CRAMP1: variants seen among roughly 807,000 people sequenced by gnomAD.
The protein encoded by CRAMP1 is protein cramped-like.
A neutral mutation model predicts 115.4 loss-of-function variants in CRAMP1; 50 were observed. The observed-to-expected ratio is 0.43, with a 90% CI of 0.35 to 0.55. The LOEUF (loss-of-function observed/expected upper bound fraction) is 0.55, where lower values mean the gene tolerates loss of function less well. CRAMP1 is among the 20% of genes least tolerant of loss of function. The pLI is 0.01. For synonymous variants in CRAMP1, 866 were observed against 745.4 expected (o/e 1.16, Z -2.64); for missense variants, 1,679 against 1,721.7 (o/e 0.98, Z 0.44).
At chr16:1,670,833 G>C in intron 20 of CRAMP1, 24 bp downstream of exon 20, 1 of 1,610,884 alleles carries the variant, frequency 6.2e-7, no homozygotes, top group Non-Finnish European at 8.5e-7. Context: ...CCTCACAGCT[G>C]CACCTGACCA....
At chr16:1,668,233 G>C in intron 18 of CRAMP1, 40 bp downstream of exon 18, 1 of 1,401,698 alleles carries the variant, frequency 7.1e-7, no homozygotes, top group South Asian at 1.2e-5. Context: ...CTGTCATCAG[G>C]TGTTGATCTC....
At chr16:1,625,246 G>A (rs924348701) in intron 2 of CRAMP1, among the ~76,000 whole-genome samples, 4 of 152,172 alleles carry the variant, frequency 2.6e-5, no homozygotes, top group Non-Finnish European at 4.4e-5. Flanking sequence ...CTCTGCCTCC[G>A]GTCTCGGAGG....
At chr16:1,623,299 G>C (rs7194739) in intron 2 of CRAMP1, among the ~76,000 whole-genome samples, 3 of 152,248 alleles carry the variant, frequency 2.0e-5, no homozygotes, top group African/African-American at 7.2e-5. Flanking sequence ...AGCCTCATCA[G>C]AGCTGCCTTT....
intron 10 of CRAMP1, among the ~76,000 whole-genome samples, chr16:1,658,115 G>A (rs1333175862): frequency 6.6e-6 from 1 of 152,210 alleles, no homozygotes; most frequent in Non-Finnish European, 1.5e-5. Flanking sequence ...AGCCGGTGCA[G>A]GGCTTGCCCC....
chr16:1,619,897 C>T (rs918816809), intron 2 of CRAMP1, among the ~76,000 whole-genome samples: 2 of 152,176 alleles, frequency 1.3e-5, no homozygotes, highest in Admixed American at 1.3e-4. Context: ...CTCTTGCAGG[C>T]ACGCCTGGAG....
At chr16:1,649,111 C>T (rs1378255598) in intron 6 of CRAMP1, among the ~76,000 whole-genome samples, 1 of 151,904 alleles carries the variant, frequency 6.6e-6, no homozygotes, top group South Asian at 2.1e-4. Flanking sequence ...TCTGGGGACT[C>T]ATCCTCTCTA....
intron 6 of CRAMP1, chr16:1,645,381 T>G (rs768347033): frequency 3.0e-5 from 7 of 234,104 alleles, no homozygotes; most frequent in Non-Finnish European, 9.4e-6. Context: ...ACAGACGGAG[T>G]TTCACCATGT....
chr16:1,652,884 C>T, intron 7 of CRAMP1, 149 bp from the exon 8 acceptor site: 2 of 978,006 alleles, frequency 2.0e-6, no homozygotes, highest in Non-Finnish European at 3.0e-6. Context: ...ATTGGAGTTT[C>T]TTCTTCGCTG....
At chr16:1,665,252 C>T in intron 14 of CRAMP1, 114 bp downstream of exon 14, 1 of 742,402 alleles carries the variant, frequency 1.3e-6, no homozygotes, top group Non-Finnish European at 2.4e-6. Flanking sequence ...ATTCCTTTGT[C>T]CATTCTACCG....
At chr16:1,613,942 A>G (rs1427273754) in intron 1 of CRAMP1, among the ~76,000 whole-genome samples, 3 of 152,184 alleles carry the variant, frequency 2.0e-5, no homozygotes, top group Admixed American at 6.5e-5. Flanking sequence ...GTTTTAAAAT[A>G]AGCAGGCGGG....
At chr16:1,627,850 A>AT (rs1233657724) in intron 3 of CRAMP1, among the ~76,000 whole-genome samples, 1 of 152,120 alleles carries the variant, frequency 6.6e-6, no homozygotes, top group Non-Finnish European at 1.5e-5. Context: ...AGGACCTGCG[A>AT]TTCCTGGAAT....
At chr16:1,646,132 T>C (rs2036672416) in intron 6 of CRAMP1, among the ~76,000 whole-genome samples, 1 of 152,230 alleles carries the variant, frequency 6.6e-6, no homozygotes, top group Admixed American at 6.5e-5. Flanking sequence ...CTGAGTCATG[T>C]TCCACAGTGT....
At chr16:1,659,638 C>T (rs761206170) in intron 10 of CRAMP1, among the ~76,000 whole-genome samples, 1 of 152,180 alleles carries the variant, frequency 6.6e-6, no homozygotes, top group Non-Finnish European at 1.5e-5. Flanking sequence ...CCGCTCGTCT[C>T]GGCCTCCCAA....
chr16:1,613,389 C>G (rs1030714295), intron 1 of CRAMP1, among the ~76,000 whole-genome samples: 7 of 152,144 alleles, frequency 4.6e-5, no homozygotes, highest in African/African-American at 1.4e-4. Flanking sequence ...AAAGAGAGGT[C>G]CTCGCCCGCG....
Position 1,653,116 on chromosome 16 carries a change from T to A in CRAMP1, c.997T>A (p.Trp333Arg). 6.2e-7 allele frequency: 1 copy of A among 1,611,362 alleles called. No homozygotes were observed. Among genetic ancestry groups the A allele is most frequent in the Non-Finnish European group, 8.5e-7 (1 of 1,178,732 alleles). ...IELQPRNNHA[W>R]ARVQSLAQNP... ...GCTACAGCCGCGGAACAACCACGCC[T>A]GGGCCCGTGTGCAGAGCCTTGCCCA... Residue 333 changes from tryptophan (W) to arginine (R), a missense_variant, in exon 8 of 21, where the codon TGG becomes AGG. Physicochemically the swap from Trp to Arg is moderately radical, Grantham distance 101. Coordinates refer to ENST00000397412, the MANE Select transcript of CRAMP1 (RefSeq NM_020825.4).
intron 2 of CRAMP1, among the ~76,000 whole-genome samples, chr16:1,623,882 G>T (rs1028397732): frequency 6.6e-6 from 1 of 152,236 alleles, no homozygotes; most frequent in Non-Finnish European, 1.5e-5. Flanking sequence ...CATTTGATTA[G>T]CCTGGTTGGT....
At chr16:1,629,293 G>C (rs2036530348) in intron 3 of CRAMP1, among the ~76,000 whole-genome samples, 1 of 152,182 alleles carries the variant, frequency 6.6e-6, no homozygotes, top group Admixed American at 6.5e-5. Context: ...TGCACAGGCA[G>C]CCGGGGGCAT....
At chr16:1,623,082 AG>A (rs1481200860) in intron 2 of CRAMP1, among the ~76,000 whole-genome samples, 1 of 152,152 alleles carries the variant, frequency 6.6e-6, no homozygotes, top group African/African-American at 2.4e-5. Flanking sequence ...TTTTTAGTAG[AG>A]ACAGGGTTTC....
chr16:1,673,757 A>G (rs2036943112), intron 20 of CRAMP1, 124 bp from the exon 21 acceptor site: 3 of 843,314 alleles, frequency 3.6e-6, no homozygotes, highest in Non-Finnish European at 5.8e-6. Flanking sequence ...CTGGGCTGCC[A>G]TCCCTAGCTT....
Sources: gnomAD v4.1 joint callset for allele counts (sites outside exome capture counted in the v4.1 genomes callset) on GRCh38, gnomAD v4.1.1 for gene constraint, MANE v1.5 for transcripts, NCBI Gene and HGNC (gene_info 2026-07-23, HGNC 2026-07-21) for gene names.